Variants in EXOC6B observed in about 807,000 individuals in gnomAD.
The protein encoded by EXOC6B is exocyst complex component 6B.
Under a neutral mutation model 113.5 loss-of-function variants are expected in EXOC6B, and 54 were observed. The ratio of observed to expected loss-of-function variants is 0.48; its 90% CI spans 0.38 to 0.60. The LOEUF (loss-of-function observed/expected upper bound fraction) is 0.60, where lower values mean the gene tolerates loss of function less well. EXOC6B is among the 20% of genes least tolerant of loss of function. EXOC6B has a pLI of 0.00. For missense variants in EXOC6B, 797 were observed against 977.5 expected, an observed-to-expected ratio of 0.82 and a Z score of 2.46; for synonymous variants, 357 against 339.0, an observed-to-expected ratio of 1.05 and a Z score of -0.58.
chr2:72,671,769 A>G (rs866607746), intron 6 of EXOC6B, among the ~76,000 whole-genome samples: 16 of 77,180 alleles, frequency 2.1e-4, no homozygotes, highest in African/African-American at 8.4e-4. Context: ...GAAAGAAAGA[A>G]AGAAAGAAAG....
chr2:72,600,819 A>G (rs143261183), intron 6 of EXOC6B, among the ~76,000 whole-genome samples: 136 of 152,318 alleles, frequency 8.9e-4, no homozygotes, highest in South Asian at 3.3e-3. Flanking sequence ...CACCAAAAGC[A>G]TGACCTATGA....
chr2:72,508,695 A>G (rs2105643478), intron 11 of EXOC6B, among the ~76,000 whole-genome samples: 1 of 152,184 alleles, frequency 6.6e-6, no homozygotes, highest in East Asian at 1.9e-4. Flanking sequence ...AACCACTTGA[A>G]CCCAGAAGGC....
intron 6 of EXOC6B, among the ~76,000 whole-genome samples, chr2:72,663,399 G>A (rs1057056381): frequency 6.6e-6 from 1 of 152,198 alleles, no homozygotes; most frequent in African/African-American, 2.4e-5. Flanking sequence ...ATAGCACAGG[G>A]AGTTTTAGAA....
At chr2:72,680,113 T>C (rs1676595604) in intron 6 of EXOC6B, among the ~76,000 whole-genome samples, 1 of 152,156 alleles carries the variant, frequency 6.6e-6, no homozygotes, top group African/African-American at 2.4e-5. Context: ...AAAGCAAATA[T>C]GGAAAAAATG....
chr2:72,718,900 AT>A (rs922020851), intron 5 of EXOC6B, among the ~76,000 whole-genome samples: 4 of 152,214 alleles, frequency 2.6e-5, no homozygotes, highest in Admixed American at 2.6e-4. Context: ...CCAAAAAAAA[AT>A]TCATCCTATA....
At chr2:72,303,454 ATTT>A (rs930412065) in intron 20 of EXOC6B, among the ~76,000 whole-genome samples, 4 of 150,728 alleles carry the variant, frequency 2.7e-5, no homozygotes, top group African/African-American at 9.8e-5. Flanking sequence ...TTTTCTCTTT[ATTT>A]TTTTCCTGTC....
intron 18 of EXOC6B, among the ~76,000 whole-genome samples, chr2:72,402,902 T>G (rs956738577): frequency 6.6e-6 from 1 of 152,186 alleles, no homozygotes; most frequent in Admixed American, 6.5e-5. Context: ...TTTCAGCTCA[T>G]GTAGAGCTGA....
intron 20 of EXOC6B, among the ~76,000 whole-genome samples, chr2:72,282,704 GA>G (rs1685201661): frequency 1.3e-5 from 2 of 151,994 alleles, no homozygotes; most frequent in African/African-American, 4.8e-5. Flanking sequence ...TTGAAAAATT[GA>G]AAATAAAATG....
At chr2:72,532,637 G>A (rs113733052) in intron 8 of EXOC6B, among the ~76,000 whole-genome samples, 19 of 152,052 alleles carry the variant, frequency 1.2e-4, no homozygotes, top group East Asian at 1.2e-3. Flanking sequence ...GGGAAACCCC[G>A]TCTCTACTAA....
At chr2:72,254,642 C>T (rs1683240065) in intron 20 of EXOC6B, among the ~76,000 whole-genome samples, 1 of 152,162 alleles carries the variant, frequency 6.6e-6, no homozygotes. Context: ...TGTGCAGAGG[C>T]TGGTAAACTT....
At chr2:72,379,994 A>C in intron 18 of EXOC6B, 124 bp from the exon 19 acceptor site, 1 of 802,252 alleles carries the variant, frequency 1.2e-6, no homozygotes, top group Non-Finnish European at 1.8e-6. Context: ...CCTCATCATA[A>C]TACCCTTCCA....
intron 18 of EXOC6B, among the ~76,000 whole-genome samples, chr2:72,414,353 A>T (rs1694384000): frequency 6.6e-6 from 1 of 152,240 alleles, no homozygotes; most frequent in African/African-American, 2.4e-5. Context: ...CCCTTGAAAA[A>T]TAACCATTGG....
At chr2:72,788,222 G>A (rs1256747399) in intron 1 of EXOC6B, among the ~76,000 whole-genome samples, 3 of 152,106 alleles carry the variant, frequency 2.0e-5, no homozygotes, top group Admixed American at 1.3e-4. Flanking sequence ...GACTTAATAT[G>A]TAAAATTGAT....
chr2:72,271,338 G>T (rs1042481285), intron 20 of EXOC6B, among the ~76,000 whole-genome samples: 5 of 152,206 alleles, frequency 3.3e-5, no homozygotes, highest in African/African-American at 9.6e-5. Flanking sequence ...TGAATATCTT[G>T]CCTATCCTGC....
At chr2:72,617,421 ACCC>A (rs1671456983) in intron 6 of EXOC6B, among the ~76,000 whole-genome samples, 1 of 150,434 alleles carries the variant, frequency 6.6e-6, no homozygotes, top group East Asian at 2.0e-4. Flanking sequence ...TCCATGAGGG[ACCC>A]ACCCCTGCAG....
At chr2:72,186,516 C>T (rs1430589467) in intron 20 of EXOC6B, among the ~76,000 whole-genome samples, 1 of 145,984 alleles carries the variant, frequency 6.9e-6, no homozygotes, top group Non-Finnish European at 1.5e-5. Flanking sequence ...AGCGTTTTTT[C>T]AATTAAAATT....
intron 6 of EXOC6B, among the ~76,000 whole-genome samples, chr2:72,625,544 T>C (rs748441057): frequency 6.6e-6 from 1 of 152,148 alleles, no homozygotes; most frequent in African/African-American, 2.4e-5. Context: ...GTTTCCCCTA[T>C]TGTCCTCATT....
chr2:72,746,421 G>A (rs555872011), intron 1 of EXOC6B, among the ~76,000 whole-genome samples: 2 of 151,986 alleles, frequency 1.3e-5, no homozygotes, highest in South Asian at 2.1e-4. Context: ...ATAAACCACC[G>A]GTTTGTGCAA....
chr2:72,204,573 ACCT>A (rs1292507043), intron 20 of EXOC6B, among the ~76,000 whole-genome samples: 6 of 150,770 alleles, frequency 4.0e-5, no homozygotes, highest in African/African-American at 1.5e-4. Flanking sequence ...AAAGCAGGTG[ACCT>A]CCTGTTAACC....
Sources: allele counts gnomAD v4.1 joint callset (sites outside exome capture counted in the v4.1 genomes callset), GRCh38; gene constraint gnomAD v4.1.1; transcripts MANE v1.5; gene names NCBI Gene and HGNC (gene_info 2026-07-23, HGNC 2026-07-21).